Variants in FBXO31 observed in about 807,000 individuals in gnomAD.
FBXO31 encodes F-box only protein 31.
In FBXO31, 24 loss-of-function variants were observed where a neutral mutation model predicts 54.4. That is an observed-to-expected ratio of 0.44 (90% CI 0.32 to 0.62). The LOEUF is 0.62. Among genes scored for constraint, FBXO31 ranks in the 20% least tolerant of loss-of-function variants. FBXO31 has a pLI of 0.05. For synonymous variants in FBXO31, 388 were observed against 335.6 expected (o/e 1.16, Z -1.71); for missense variants, 665 against 787.1 (o/e 0.84, Z 1.86).
At chr16:87,361,782 G>C (rs1046902991) in intron 1 of FBXO31, among the ~76,000 whole-genome samples, 7 of 152,144 alleles carry the variant, frequency 4.6e-5, no homozygotes, top group Non-Finnish European at 1.0e-4. Context: ...AGACAGGGTG[G>C]AGACAGCAGT....
At chr16:87,385,045 C>A (rs1238563012), upstream of FBXO31, among the ~76,000 whole-genome samples, 1 of 151,950 alleles carries the variant, frequency 6.6e-6, no homozygotes, top group Non-Finnish European at 1.5e-5. Flanking sequence ...ACAGGCCAGG[C>A]GCAGTGGCTC....
chr16:87,337,889 T>A (rs1429781589), intron 5 of FBXO31, among the ~76,000 whole-genome samples: 3 of 152,022 alleles, frequency 2.0e-5, no homozygotes. Flanking sequence ...TTTTTAGGAC[T>A]TTTTTAGGAT....
chr16:87,377,537 T>G (rs1906876707), intron 1 of FBXO31, among the ~76,000 whole-genome samples: 1 of 152,058 alleles, frequency 6.6e-6, no homozygotes, highest in Non-Finnish European at 1.5e-5. Context: ...TTTCAATATA[T>G]TAAACAATCC....
chr16:87,383,754 T>C lies in FBXO31; in HGVS notation c.-10A>G. The stretch of plus-strand genomic sequence containing the variant: ...GAGCACACACCGCCATGCCGCCCAG[T>C]GACGGCCACTGCTGCCGCCTGTGCG... On this transcript the variant is annotated 5_prime_UTR_variant, in exon 1 of 9. Transcript: ENST00000311635. The surrounding 1 kb of genome is among the most constrained non-coding windows in gnomAD (Gnocchi z 4.9). 6 of 1,199,794 alleles carry C rather than the reference T, an allele frequency of 5.0e-6. No individual in the cohort carries two copies. The highest frequency in any genetic ancestry group is 3.9e-5 in the South Asian group (1 of 25,604). The allele number at this position is 1,199,794 out of a possible 1,614,324, so 74.3% of individuals were successfully genotyped here. A position where few individuals can be genotyped will look rare whatever the true frequency, so the allele number is the denominator to read the frequency against.
intron 2 of FBXO31, among the ~76,000 whole-genome samples, chr16:87,356,464 C>T (rs1246327158): frequency 6.6e-6 from 1 of 151,860 alleles, no homozygotes; most frequent in Admixed American, 6.6e-5. Flanking sequence ...CGTCCACAGA[C>T]TCCTGAGAGG....
upstream of FBXO31, among the ~76,000 whole-genome samples, chr16:87,387,371 T>A (rs1227910611): frequency 1.3e-5 from 2 of 152,218 alleles, no homozygotes; most frequent in African/African-American, 4.8e-5. Context: ...ATCATTTGTT[T>A]TAACACTATG....
At chr16:87,372,660 A>G (rs1213928666) in intron 1 of FBXO31, among the ~76,000 whole-genome samples, 1 of 151,704 alleles carries the variant, frequency 6.6e-6, no homozygotes, top group Admixed American at 6.6e-5. Flanking sequence ...TCCTGGGCTC[A>G]TGTGATTCTC....
At chr16:87,371,501 C>T (rs1181539981) in intron 1 of FBXO31, among the ~76,000 whole-genome samples, 3 of 152,292 alleles carry the variant, frequency 2.0e-5, no homozygotes, top group Non-Finnish European at 2.9e-5. Flanking sequence ...CAAATGCGTC[C>T]TCTTCCTCCA....
chr16:87,384,000 T>G (rs771980562), upstream of FBXO31: 7 of 220,780 alleles, frequency 3.2e-5, no homozygotes, highest in Admixed American at 5.7e-5. This position sits in a 1 kb window ranked among gnomAD's most constrained non-coding sequence, Gnocchi z 4.9. Flanking sequence ...AAAGTGGTGA[T>G]GCCGAGTGCA....
intron 1 of FBXO31, among the ~76,000 whole-genome samples, chr16:87,372,329 T>C (rs1906637606): frequency 6.6e-6 from 1 of 152,048 alleles, no homozygotes; most frequent in Non-Finnish European, 1.5e-5. Flanking sequence ...CTTGCAAAAA[T>C]ATAGAGAACT....
intron 3 of FBXO31, among the ~76,000 whole-genome samples, chr16:87,344,919 C>T (rs1394297635): frequency 6.9e-6 from 1 of 145,310 alleles, no homozygotes; most frequent in Admixed American, 6.8e-5. Flanking sequence ...TCCCCAAACC[C>T]CACCTGGGGG....
intron 1 of FBXO31, among the ~76,000 whole-genome samples, chr16:87,373,320 C>T (rs910719262): frequency 5.3e-5 from 8 of 151,980 alleles, no homozygotes; most frequent in African/African-American, 1.7e-4. Flanking sequence ...AGCATGGTGT[C>T]GGGTGCCTGT....
At chr16:87,368,496 C>T (rs1363484589) in intron 1 of FBXO31, among the ~76,000 whole-genome samples, 1 of 152,226 alleles carries the variant, frequency 6.6e-6, no homozygotes, top group Non-Finnish European at 1.5e-5. Flanking sequence ...TCCTGCTGCA[C>T]AGATCCAACC....
Position 87,335,525 on chromosome 16 carries a change from GC to G in FBXO31, c.843-69del. ...AGGCAGGACTGAGAACGCCCAAGGT[GC>G]CAGGGATGAGCTTTGCAGGGCGGGG... On this transcript the variant is annotated intron_variant, in intron 6 of 8. Coordinates refer to ENST00000311635, the MANE Select transcript of FBXO31 (RefSeq NM_024735.5). This position sits in a 1 kb window ranked among gnomAD's most constrained non-coding sequence, Gnocchi z 5.7. 2.0e-6 allele frequency: 2 copies of G among 1,019,880 alleles called. No homozygotes were observed. The highest frequency in any genetic ancestry group is 2.8e-6 in the Non-Finnish European group (2 of 712,906). 63.2% of individuals were successfully genotyped at this position (1,019,880 alleles called of 1,614,324 possible).
Position 87,343,628 on chromosome 16 carries a change from G to A in FBXO31, c.627C>T (p.Gly209=), listed in dbSNP as rs1441780714. The change falls in exon 4 of 9, where the codon GGC becomes GGT. Residue 209 remains glycine (G), a synonymous_variant. Transcript: ENST00000311635. ...TGTGGCCGTGGTGGGGCCCTTTGTG[G>A]CCGTACATGCACTCCACTGTGGCAG... ...RKAATVECMY[G]HKGPHHGHIQ... The A allele has an allele frequency of 1.9e-6, 3 of 1,612,718 alleles. No individual in the cohort carries two copies. The highest frequency in any genetic ancestry group is 1.3e-5 in the African/African-American group (1 of 74,882).
chr16:87,364,564 G>C (rs1204892541), intron 1 of FBXO31, among the ~76,000 whole-genome samples: 1 of 152,112 alleles, frequency 6.6e-6, no homozygotes, highest in Admixed American at 6.5e-5. Context: ...TTGAACCAGA[G>C]GCCTGGGCGG....
At chr16:87,359,710 G>C (rs1906050754) in intron 2 of FBXO31, among the ~76,000 whole-genome samples, 1 of 152,208 alleles carries the variant, frequency 6.6e-6, no homozygotes. Context: ...CAAGAAATGG[G>C]AAAGTCCCTG....
intron 2 of FBXO31, among the ~76,000 whole-genome samples, chr16:87,349,356 C>T (rs1012518187): frequency 4.6e-5 from 7 of 152,130 alleles, no homozygotes; most frequent in African/African-American, 9.7e-5. Flanking sequence ...CTGACACAAC[C>T]GTGAAAGGCA....
chr16:87,334,095 G>A lies in FBXO31; in HGVS notation c.1188C>T (p.Gly396=), dbSNP rs571632653. Residue 396 remains glycine, a synonymous_variant, in exon 8 of 9, where the codon GGC becomes GGT. Transcript: ENST00000311635. ...HEAGEGRGRQ[G]PRESQPSPAQ... ...CAGGGCTTGGCTGGGACTCCCGGGG[G>A]CCCTGCCGGCCACGACCCTCGCCCG... 2.4e-5 allele frequency: 38 copies of A among 1,610,138 alleles called. No individual in the cohort carries two copies. The South Asian group carries it at 4.0e-4, about 17-fold the overall frequency.
Sources: allele counts gnomAD v4.1 joint callset (sites outside exome capture counted in the v4.1 genomes callset), GRCh38; gene constraint gnomAD v4.1.1; non-coding constraint Gnocchi (gnomAD v3.1); transcripts MANE v1.5; gene names NCBI Gene and HGNC (gene_info 2026-07-23, HGNC 2026-07-21).